CACNA2D1: variants seen among roughly 807,000 people sequenced by gnomAD.
The protein encoded by CACNA2D1 is calcium voltage-gated channel auxiliary subunit alpha2delta 1, also known as voltage-dependent calcium channel subunit alpha-2/delta-1.
CACNA2D1 carries 53 observed loss-of-function variants against 171.5 expected under a neutral mutation model. The ratio of observed to expected loss-of-function variants is 0.31; its 90% confidence interval spans 0.25 to 0.39. The LOEUF is 0.39. CACNA2D1 is among the 10% of genes least tolerant of loss of function. The pLI, the probability that CACNA2D1 is intolerant of heterozygous loss-of-function variation, is 1.00. For synonymous variants in CACNA2D1, 442 were observed against 443.1 expected, an observed-to-expected ratio of 1.00 and a Z score of 0.03; for missense variants, 903 against 1,299.8, an observed-to-expected ratio of 0.69 and a Z score of 4.69.
In CACNA2D1 at chr7:82,426,067, G is replaced by T. The variant is rs1483359334; in HGVS notation, c.95+17298C>A. Among the ~76,000 whole-genome samples the T allele has an allele frequency of 2.6e-5, 4 of 151,442 alleles. No homozygotes were observed. In the East Asian group the frequency reaches 8.0e-4, roughly 30 times the overall value. On this transcript the variant is annotated intron_variant, in intron 1 of 38. Transcript: ENST00000356860. ...ATCCACTCAAACCTGGGAGGCGGAG[G>T]CTGCAATGAGCCAAGATTGCACCAC... is the stretch of plus-strand genomic sequence containing the variant.
At chr7:81,976,592 C>T (rs931233330) in intron 24 of CACNA2D1, among the ~76,000 whole-genome samples, 6 of 152,230 alleles carry the variant, frequency 3.9e-5, no homozygotes, top group African/African-American at 1.2e-4. Context: ...CAGTGGCTCG[C>T]GCCCATAATC....
At chr7:82,399,604 G>C (rs1040147790) in intron 1 of CACNA2D1, among the ~76,000 whole-genome samples, 1 of 151,912 alleles carries the variant, frequency 6.6e-6, no homozygotes, top group Non-Finnish European at 1.5e-5. Context: ...GGAGACTGGC[G>C]AATCTTGTAT....
intron 3 of CACNA2D1, among the ~76,000 whole-genome samples, chr7:82,237,820 A>G (rs1803788779): frequency 6.6e-6 from 1 of 152,066 alleles, no homozygotes; most frequent in African/African-American, 2.4e-5. Context: ...CAAAGGCATC[A>G]AACCATAAAA....
chr7:82,063,857 C>A (rs1162404807), intron 9 of CACNA2D1, among the ~76,000 whole-genome samples: 2 of 151,212 alleles, frequency 1.3e-5, no homozygotes, highest in Admixed American at 6.6e-5. Context: ...TTTAAAAGTC[C>A]CAGATTTTTT....
intron 1 of CACNA2D1, among the ~76,000 whole-genome samples, chr7:82,359,637 G>A (rs1486501042): frequency 3.3e-5 from 5 of 149,920 alleles, no homozygotes; most frequent in Non-Finnish European, 7.4e-5. Flanking sequence ...TCCCTCTTCT[G>A]GCCAATTCAA....
intron 2 of CACNA2D1, among the ~76,000 whole-genome samples, chr7:82,347,066 T>C (rs965543243): frequency 1.3e-5 from 2 of 152,136 alleles, no homozygotes; most frequent in Admixed American, 1.3e-4. Flanking sequence ...ATAAGAGACA[T>C]CTTAAAAGTC....
At chr7:82,285,555 G>A (rs73374373) in intron 3 of CACNA2D1, among the ~76,000 whole-genome samples, 19,832 of 152,134 alleles carry the variant, frequency 0.13, 1,420 homozygotes, top group Middle Eastern at 0.26. Flanking sequence ...AGGTGTCAGG[G>A]CAGTACTATC....
At chr7:82,358,453 A>G (rs1238255567) in intron 1 of CACNA2D1, among the ~76,000 whole-genome samples, 3 of 152,208 alleles carry the variant, frequency 2.0e-5, no homozygotes, top group Non-Finnish European at 4.4e-5. Flanking sequence ...TTCTCAATTT[A>G]AACCATTTTC....
chr7:82,041,672 C>T (rs1461442985), intron 10 of CACNA2D1, among the ~76,000 whole-genome samples: 2 of 152,102 alleles, frequency 1.3e-5, no homozygotes, highest in Non-Finnish European at 2.9e-5. Context: ...ATCTTCAGGT[C>T]CAAATGACCA....
intron 5 of CACNA2D1, among the ~76,000 whole-genome samples, chr7:82,130,323 AT>A (rs2129068634): frequency 6.6e-6 from 1 of 152,282 alleles, no homozygotes; most frequent in Admixed American, 6.5e-5. Context: ...CAAACATTAT[AT>A]GTTCCGCTTA....
At chr7:82,099,170 C>A (rs936281908) in intron 6 of CACNA2D1, among the ~76,000 whole-genome samples, 1 of 152,076 alleles carries the variant, frequency 6.6e-6, no homozygotes, top group African/African-American at 2.4e-5. Flanking sequence ...CATTATTTGT[C>A]AGTTTCACTG....
At chr7:82,270,004 A>C (rs1480303951) in intron 3 of CACNA2D1, among the ~76,000 whole-genome samples, 3 of 152,142 alleles carry the variant, frequency 2.0e-5, no homozygotes. Flanking sequence ...TACAAAGAGA[A>C]TACAAGAAAG....
intron 3 of CACNA2D1, among the ~76,000 whole-genome samples, chr7:82,295,737 G>A (rs1407013377): frequency 6.6e-6 from 1 of 151,942 alleles, no homozygotes; most frequent in African/African-American, 2.4e-5. Context: ...AAAGTGTGAG[G>A]ATACTGGGTT....
intron 3 of CACNA2D1, among the ~76,000 whole-genome samples, chr7:82,292,601 T>C (rs1169136275): frequency 6.6e-6 from 1 of 152,188 alleles, no homozygotes; most frequent in African/African-American, 2.4e-5. Flanking sequence ...TCACATTGTC[T>C]TTAGCTTCCA....
chr7:82,054,846 T>C (rs549132321), intron 10 of CACNA2D1, among the ~76,000 whole-genome samples: 1 of 152,338 alleles, frequency 6.6e-6, no homozygotes, highest in South Asian at 2.1e-4. Flanking sequence ...AATAAAATAC[T>C]GATTAATGGG....
chr7:81,963,991 T>C, intron 34 of CACNA2D1, 65 bp downstream of exon 34: 3 of 1,329,774 alleles, frequency 2.3e-6, no homozygotes, highest in South Asian at 2.4e-5. Context: ...CATATTTTCA[T>C]CAGATGCTTT....
At chr7:82,202,729 G>A (rs1273160599) in intron 3 of CACNA2D1, among the ~76,000 whole-genome samples, 2 of 152,206 alleles carry the variant, frequency 1.3e-5, no homozygotes, top group East Asian at 3.9e-4. Context: ...TGCTGTGAAT[G>A]CAGGCCTGGG....
chr7:82,030,906 G>A (rs1440944305), intron 12 of CACNA2D1, among the ~76,000 whole-genome samples: 11 of 151,868 alleles, frequency 7.2e-5, no homozygotes, highest in Non-Finnish European at 1.2e-4. Context: ...ATAAGGAAAT[G>A]CTAGATTATT....
intron 3 of CACNA2D1, among the ~76,000 whole-genome samples, chr7:82,326,517 T>C (rs1382291980): frequency 3.3e-5 from 5 of 152,188 alleles, no homozygotes; most frequent in Non-Finnish European, 7.3e-5. Context: ...AGAAATAGTG[T>C]TAGAAATATA....
Sources: allele counts gnomAD v4.1 joint callset (sites outside exome capture counted in the v4.1 genomes callset), GRCh38; gene constraint gnomAD v4.1.1; transcripts MANE v1.5; gene names NCBI Gene and HGNC (gene_info 2026-07-23, HGNC 2026-07-21).